Variants in ZNF107 observed in about 807,000 individuals in gnomAD.
ZNF107 encodes the protein zinc finger protein 107.
Under a neutral mutation model 12.3 loss-of-function variants are expected in ZNF107, and 19 were observed. The observed-to-expected ratio is 1.55, with a 90% CI of 1.08 to 2.27. The LOEUF (loss-of-function observed/expected upper bound fraction) is 2.27. ZNF107 is among the 30% of genes most tolerant of loss of function. The probability of loss-of-function intolerance (pLI) is 0.00; values close to 1 mark genes in which losing one functional copy is unlikely to be tolerated. For missense variants in ZNF107, 958 were observed against 979.9 expected (o/e 0.98, Z 0.30); for synonymous variants, 317 against 330.5 (o/e 0.96, Z 0.44).
At chr7:64,666,812 A>G (rs910261927) in intron 1 of ZNF107, among the ~76,000 whole-genome samples, 1 of 152,156 alleles carries the variant, frequency 6.6e-6, no homozygotes, top group Non-Finnish European at 1.5e-5. Flanking sequence ...TTTATTTTCC[A>G]TGGGAGGGGC....
intron 1 of ZNF107, among the ~76,000 whole-genome samples, chr7:64,672,535 G>A (rs1487155070): frequency 1.3e-5 from 2 of 151,888 alleles, no homozygotes; most frequent in African/African-American, 2.4e-5. Flanking sequence ...TTTTCTTTTT[G>A]TATTTTTTGT....
intron 3 of ZNF107, among the ~76,000 whole-genome samples, chr7:64,700,254 G>A (rs1033920207): frequency 3.3e-5 from 5 of 152,006 alleles, no homozygotes; most frequent in African/African-American, 1.2e-4. Context: ...CAACTTCCTC[G>A]TGAATAGCTT....
Position 64,708,775 on chromosome 7 carries a change from T to A in ZNF107, c.*119T>A. On this transcript the variant is annotated 3_prime_UTR_variant, in exon 4 of 4. Coordinates refer to ENST00000620827, the MANE Select transcript of ZNF107 (RefSeq NM_001282359.2). ...CTTTTTCTGCACACACGAGGTATTT[T>A]ATACTGGTGAGAAACCTTACAATGT... 2.1e-6 allele frequency: 2 copies of A among 972,022 alleles called. No individual in the cohort carries two copies. Among genetic ancestry groups the A allele is most frequent in the Non-Finnish European group, 3.0e-6 (2 of 665,536 alleles). 60.2% of individuals were successfully genotyped at this position (972,022 alleles called of 1,614,324 possible).
At chr7:64,698,889 T>A (rs984332665) in intron 3 of ZNF107, among the ~76,000 whole-genome samples, 3 of 152,188 alleles carry the variant, frequency 2.0e-5, no homozygotes, top group African/African-American at 7.2e-5. Flanking sequence ...GATCCAACTT[T>A]ATTTCATCAG....
chr7:64,693,245 C>T (rs1207455314), intron 3 of ZNF107, among the ~76,000 whole-genome samples: 1 of 147,920 alleles, frequency 6.8e-6, no homozygotes, highest in African/African-American at 2.5e-5. Context: ...GATCTCCTGA[C>T]CTCATGATCT....
intron 3 of ZNF107, among the ~76,000 whole-genome samples, chr7:64,703,917 C>G (rs1356077480): frequency 1.3e-5 from 2 of 149,704 alleles, no homozygotes; most frequent in African/African-American, 4.9e-5. Flanking sequence ...GCTTTTCTTT[C>G]TTATTTGGTT....
chr7:64,670,496 G>A (rs1242071243), intron 1 of ZNF107, among the ~76,000 whole-genome samples: 1 of 152,158 alleles, frequency 6.6e-6, no homozygotes, highest in Non-Finnish European at 1.5e-5. Context: ...AGTGAAGTTT[G>A]ATTAAGAAGA....
Position 64,709,115 on chromosome 7 carries a change from G to A in ZNF107, c.*459G>A, listed in dbSNP as rs1444189994. ...TTACTATACAGAAATTCATACTGGA[G>A]AGAAAGCCTACAATTGTGAAGAATG... On this transcript the variant is annotated 3_prime_UTR_variant, in exon 4 of 4. Coordinates refer to ENST00000620827, the MANE Select transcript of ZNF107 (RefSeq NM_001282359.2). 6.4e-6 allele frequency: 3 copies of A among 465,874 alleles called. No homozygotes were observed. The highest frequency in any genetic ancestry group is 6.0e-5 in the African/African-American group (3 of 49,606). The allele number at this position is 465,874 out of a possible 1,614,324, so 28.9% of individuals were successfully genotyped here. A position where few individuals can be genotyped will look rare whatever the true frequency, so the allele number is the denominator to read the frequency against.
chr7:64,669,622 C>T (rs1051159369), intron 1 of ZNF107, among the ~76,000 whole-genome samples: 39 of 151,726 alleles, frequency 2.6e-4, no homozygotes, highest in African/African-American at 8.5e-4. Flanking sequence ...GGTGAAGCCC[C>T]GTCTCTACTG....
intron 1 of ZNF107, among the ~76,000 whole-genome samples, chr7:64,679,676 C>T (rs62460667): frequency 0.052 from 7,851 of 152,080 alleles, 258 homozygotes; most frequent in Admixed American, 0.097. Context: ...TCTAAAACCG[C>T]TCCGTCTTTC....
intron 1 of ZNF107, among the ~76,000 whole-genome samples, chr7:64,686,347 C>G (rs1376187763): frequency 3.3e-5 from 5 of 152,146 alleles, no homozygotes; most frequent in Non-Finnish European, 7.3e-5. Flanking sequence ...CCTGCCTCTT[C>G]CGTCTAGCCT....
chr7:64,692,183 A>G (rs1023276651), intron 3 of ZNF107, among the ~76,000 whole-genome samples: 1 of 152,170 alleles, frequency 6.6e-6, no homozygotes, highest in African/African-American at 2.4e-5. Flanking sequence ...TCTTTCTTCA[A>G]GTTCACAGTG....
chr7:64,672,804 C>G (rs1789284087), intron 1 of ZNF107, among the ~76,000 whole-genome samples: 1 of 152,072 alleles, frequency 6.6e-6, no homozygotes, highest in Non-Finnish European at 1.5e-5. Flanking sequence ...GGGTATAAAC[C>G]CAATTATGAG....
At chr7:64,681,131 T>G (rs1789651956) in intron 1 of ZNF107, among the ~76,000 whole-genome samples, 2 of 152,070 alleles carry the variant, frequency 1.3e-5, no homozygotes, top group South Asian at 4.1e-4. Flanking sequence ...TTCTCTGATC[T>G]CCTCGGCTTG....
chr7:64,678,769 A>G (rs62460665), intron 1 of ZNF107, among the ~76,000 whole-genome samples: 8,219 of 152,228 alleles, frequency 0.054, 295 homozygotes, highest in East Asian at 0.14. Flanking sequence ...AGTTTATTCA[A>G]TAGAGATAAT....
chr7:64,699,407 T>C (rs1261818866), intron 3 of ZNF107, among the ~76,000 whole-genome samples: 2 of 152,140 alleles, frequency 1.3e-5, no homozygotes, highest in Non-Finnish European at 2.9e-5. Context: ...GATTTTGGTC[T>C]TCTTAAATTT....
Position 64,708,743 on chromosome 7 carries a change from T to G in ZNF107, c.*87T>G. On this transcript the variant is annotated 3_prime_UTR_variant, in exon 4 of 4. Coordinates refer to ENST00000620827, the MANE Select transcript of ZNF107 (RefSeq NM_001282359.2). ...AGAATGTGTTAAAGCCTTTAACAAG[T>G]CTTCAACTTTTTCTGCACACACGAG... 1 of 1,343,912 alleles carries G rather than the reference T, an allele frequency of 7.4e-7. No homozygotes were observed. Among genetic ancestry groups the G allele is most frequent in the African/African-American group, 1.5e-5 (1 of 67,514 alleles). The allele number at this position is 1,343,912 out of a possible 1,614,324, so 83.2% of individuals were successfully genotyped here. A position where few individuals can be genotyped will look rare whatever the true frequency, so the allele number is the denominator to read the frequency against.
intron 1 of ZNF107, among the ~76,000 whole-genome samples, chr7:64,667,763 A>G (rs1487584822): frequency 4.6e-5 from 7 of 152,170 alleles, no homozygotes; most frequent in African/African-American, 1.4e-4. Flanking sequence ...ATCTCCTGGT[A>G]TACCCTTCCT....
intron 1 of ZNF107, among the ~76,000 whole-genome samples, chr7:64,686,337 C>T (rs1171587680): frequency 6.6e-6 from 1 of 152,044 alleles, no homozygotes; most frequent in Non-Finnish European, 1.5e-5. Context: ...CTATTTGGAC[C>T]CTGCCTCTTC....
Sources: allele counts gnomAD v4.1 joint callset (sites outside exome capture counted in the v4.1 genomes callset), GRCh38; gene constraint gnomAD v4.1.1; transcripts MANE v1.5; gene names NCBI Gene and HGNC (gene_info 2026-07-23, HGNC 2026-07-21).